The following C8A variants were observed in gnomAD, a reference collection of about 807,000 sequenced individuals.
The protein encoded by C8A is complement component C8 alpha chain.
In C8A, 67 loss-of-function variants were observed where a neutral mutation model predicts 65.3. The observed-to-expected ratio is 1.03, with a 90% CI of 0.84 to 1.26. C8A has a LOEUF of 1.26. Ranked by LOEUF, C8A falls within the 50% of genes most tolerant of loss-of-function variation. C8A has a pLI of 0.00. For synonymous variants in C8A, 290 were observed against 259.4 expected (o/e 1.12, Z -1.13); for missense variants, 781 against 723.9 (o/e 1.08, Z -0.90).
chr1:56,908,163 T>A, intron 9 of C8A, 50 bp downstream of exon 9: 2 of 1,554,718 alleles, frequency 1.3e-6, no homozygotes, highest in Non-Finnish European at 1.8e-6. Context: ...GGAATGAAAG[T>A]GAAGCAGACC....
At chr1:56,878,963 T>A (rs1169146644) in intron 4 of C8A, among the ~76,000 whole-genome samples, 2 of 152,230 alleles carry the variant, frequency 1.3e-5, no homozygotes, top group Non-Finnish European at 2.9e-5. Context: ...GAGTTTTAAG[T>A]TTTCCCCCAA....
chr1:56,863,926 C>T (rs1195603721), intron 1 of C8A, among the ~76,000 whole-genome samples: 5 of 147,048 alleles, frequency 3.4e-5, no homozygotes, highest in South Asian at 2.3e-4. Flanking sequence ...TTTTTTCCCT[C>T]CCTCTTTCCC....
chr1:56,917,713 C>A lies in C8A; in HGVS notation c.1752C>A (p.Cys584Ter). ...GGCGGAAAGTACAGACGCAGGCTTG[C>A]TGAGGGCCTCTGGACACAGGCTGGA... is the stretch of plus-strand genomic sequence containing the variant. Reference protein sequence around the residue: ...CPGRKVQTQAC With the variant: ...CPGRKVQTQA The change falls in exon 11 of 11, where the codon TGC (cysteine) becomes TGA (stop). Residue 584 changes from cysteine to a stop codon, truncating the protein, a stop_gained. Transcript: ENST00000361249. LOFTEE classifies it high-confidence loss of function. The A allele has an allele frequency of 6.2e-7, 1 of 1,614,038 alleles. No homozygotes were observed. The highest frequency in any genetic ancestry group is 8.5e-7 in the Non-Finnish European group (1 of 1,180,026).
intron 1 of C8A, among the ~76,000 whole-genome samples, chr1:56,861,023 G>A (rs746437798): frequency 2.6e-5 from 4 of 152,196 alleles, no homozygotes; most frequent in African/African-American, 4.8e-5. Flanking sequence ...GTTTATAAAG[G>A]AAAGGAGTCT....
At chr1:56,901,845 G>A (rs915749749) in intron 7 of C8A, among the ~76,000 whole-genome samples, 4 of 151,990 alleles carry the variant, frequency 2.6e-5, no homozygotes, top group Non-Finnish European at 4.4e-5. Flanking sequence ...GCTGCCCTGT[G>A]TCAGAGTCCT....
chr1:56,892,977 T>A (rs1644359539), intron 7 of C8A, among the ~76,000 whole-genome samples: 1 of 152,090 alleles, frequency 6.6e-6, no homozygotes, highest in Non-Finnish European at 1.5e-5. Flanking sequence ...TCACAGAAAA[T>A]GACTTATGTT....
chr1:56,895,070 A>G (rs1644378493), intron 7 of C8A, among the ~76,000 whole-genome samples: 1 of 152,190 alleles, frequency 6.6e-6, no homozygotes, highest in Admixed American at 6.5e-5. Flanking sequence ...TTATAGAAAG[A>G]AAGTTGAAAT....
At chr1:56,857,652 G>A (rs1643991196) in intron 1 of C8A, among the ~76,000 whole-genome samples, 2 of 152,008 alleles carry the variant, frequency 1.3e-5, no homozygotes, top group Admixed American at 6.5e-5. Flanking sequence ...GCTTGGGTTT[G>A]AGTTCACCAT....
intron 10 of C8A, among the ~76,000 whole-genome samples, 159 bp downstream of exon 10, chr1:56,912,784 G>A (rs1644520216): frequency 6.6e-6 from 1 of 152,184 alleles, no homozygotes; most frequent in African/African-American, 2.4e-5. Context: ...ATCACATTTA[G>A]TGGTTCTTGT....
At chr1:56,893,599 A>C (rs1480563943) in intron 7 of C8A, among the ~76,000 whole-genome samples, 2 of 152,174 alleles carry the variant, frequency 1.3e-5, no homozygotes, top group Non-Finnish European at 2.9e-5. Flanking sequence ...TTTAGTGAAG[A>C]ATATGGATAT....
rs116129675 is a variant in C8A at position 56,881,571 on chromosome 1, C to T, written c.591C>T (p.Leu197=). 82 of 1,613,804 alleles carry T rather than the reference C, an allele frequency of 5.1e-5. No individual in the cohort carries two copies. In the African/African-American group the frequency reaches 9.9e-4, roughly 19 times the overall value. ...GATATGACTCCACCTGTGAACGTCT[C>T]TACTATGGAGATGATGAGAAATACT... ...ELRYDSTCER[L]YYGDDEKYFR... The change falls in exon 5 of 11, where the codon CTC becomes CTT. Residue 197 remains leucine (L), a synonymous_variant. Coordinates refer to ENST00000361249, the MANE Select transcript of C8A (RefSeq NM_000562.3).
In C8A at chr1:56,882,924, A is replaced by G. The variant is rs1020298034; in HGVS notation, c.655-557A>G. Among the ~76,000 whole-genome samples, 11 of 152,292 alleles carry G rather than the reference A, an allele frequency of 7.2e-5. 1 individual carries two copies. The highest frequency in any genetic ancestry group is 1.9e-4 in the African/African-American group (8 of 41,576). On this transcript the variant is annotated intron_variant, in intron 5 of 10. Coordinates refer to ENST00000361249, the MANE Select transcript of C8A (RefSeq NM_000562.3). ...AGGCTCCATTTCAACACATGCTCTC[A>G]TGATTGCAGAGCAAACTACTCACAG...
intron 4 of C8A, 70 bp from the exon 5 acceptor site, chr1:56,881,375 G>T: frequency 6.7e-6 from 10 of 1,491,862 alleles, no homozygotes; most frequent in Non-Finnish European, 9.4e-6. Context: ...TTAATATACA[G>T]ATCATCCCAT....
chr1:56,870,445 G>A (rs1221260357), intron 2 of C8A, among the ~76,000 whole-genome samples: 1 of 152,068 alleles, frequency 6.6e-6, no homozygotes, highest in East Asian at 1.9e-4. Context: ...CCTCATCTGT[G>A]TGTCTTCTCC....
chr1:56,912,836 G>C (rs546600736), intron 10 of C8A, among the ~76,000 whole-genome samples: 2 of 152,296 alleles, frequency 1.3e-5, no homozygotes, highest in South Asian at 2.1e-4. Flanking sequence ...GATGAGAACT[G>C]TTTTTCGCCA....
intron 2 of C8A, among the ~76,000 whole-genome samples, chr1:56,872,898 GA>G (rs573221503): frequency 0.036 from 5,211 of 144,212 alleles, 106 homozygotes; most frequent in Non-Finnish European, 0.055. Flanking sequence ...ATAAAGAGAG[GA>G]AAAAAAAAAG....
In C8A at chr1:56,906,768, A is replaced by C. The variant is rs768799122; in HGVS notation, c.1198A>C (p.Lys400Gln). 12 of 1,613,990 alleles carry C rather than the reference A, an allele frequency of 7.4e-6. No individual in the cohort carries two copies. The highest frequency in any genetic ancestry group is 5.0e-5 in the Admixed American group (3 of 60,002). Residue 400 changes from lysine to glutamine, a missense_variant, in exon 8 of 11, where the codon AAA (lysine) becomes CAA (glutamine). Lys to Gln is a moderately conservative substitution (Grantham distance 53). Transcript: ENST00000361249. ...TGGAGGTTTATCAGGAGACCATTGT[A>C]AAAAATTTGGAGGTGGCAAAACTGG... Reference protein sequence around the residue: ...VGGGLSGDHCKKFGGGKTERA... With the variant: ...VGGGLSGDHCQKFGGGKTERA...
intron 4 of C8A, among the ~76,000 whole-genome samples, chr1:56,877,202 G>A (rs548039186): frequency 1.3e-5 from 2 of 152,284 alleles, no homozygotes; most frequent in African/African-American, 4.8e-5. Flanking sequence ...TGGACTCCTA[G>A]CCTCCAGAAC....
chr1:56,885,333 T>C (rs1427630921), intron 6 of C8A, among the ~76,000 whole-genome samples: 1 of 135,950 alleles, frequency 7.4e-6, no homozygotes, highest in East Asian at 2.1e-4. Flanking sequence ...TATTTAAATA[T>C]ATATTTACAT....
Sources: gnomAD v4.1 joint callset for allele counts (sites outside exome capture counted in the v4.1 genomes callset) on GRCh38, gnomAD v4.1.1 for gene constraint, MANE v1.5 for transcripts, NCBI Gene and HGNC (gene_info 2026-07-23, HGNC 2026-07-21) for gene names.